CD300LD: variants seen among roughly 807,000 people sequenced by gnomAD.
CD300LD encodes CD300 molecule like family member d, also known as CMRF35-like molecule 5.
Under a neutral mutation model 20.3 loss-of-function variants are expected in CD300LD, and 18 were observed. The observed-to-expected ratio is 0.89, with a 90% CI of 0.61 to 1.32. CD300LD has a LOEUF of 1.32. CD300LD is among the 40% of genes most tolerant of loss of function. The pLI, the probability that CD300LD is intolerant of heterozygous loss-of-function variation, is 0.00. For synonymous variants in CD300LD, 104 were observed against 90.1 expected (o/e 1.15, Z -0.87); for missense variants, 195 against 226.6 (o/e 0.86, Z 0.90).
chr17:74,580,160 G>T, intron 3 of CD300LD, 47 bp from the exon 4 acceptor site: 1 of 1,260,028 alleles, frequency 7.9e-7, no homozygotes, highest in Non-Finnish European at 1.1e-6. Flanking sequence ...TGGGTCAGAG[G>T]TCTCAGGTCT....
chr17:74,580,258 A>G, intron 3 of CD300LD, 145 bp from the exon 4 acceptor site: 1 of 607,364 alleles, frequency 1.6e-6, no homozygotes. Flanking sequence ...TTGGTGGGGC[A>G]CAGTCACACT....
intron 1 of CD300LD, chr17:74,590,638 A>T (rs1033449318): frequency 1.3e-5 from 2 of 152,164 alleles, no homozygotes; most frequent in African/African-American, 4.8e-5. Flanking sequence ...TGGCATCTGA[A>T]GGGAACTAAG....
At chr17:74,582,163 G>A (rs2030049563) in intron 3 of CD300LD, 55 bp downstream of exon 3, 3 of 1,443,876 alleles carry the variant, frequency 2.1e-6, no homozygotes, top group Non-Finnish European at 1.9e-6. Context: ...CCCTGTTAGA[G>A]GAGAGGCCAT....
At chr17:74,587,253 T>C (rs1333841427) in intron 2 of CD300LD, among the ~76,000 whole-genome samples, 3 of 152,088 alleles carry the variant, frequency 2.0e-5, no homozygotes, top group African/African-American at 7.3e-5. Flanking sequence ...TTCTATTTCA[T>C]TAAAAGATAT....
chr17:74,584,450 A>G (rs926041527), intron 2 of CD300LD, among the ~76,000 whole-genome samples: 2 of 152,228 alleles, frequency 1.3e-5, no homozygotes, highest in Non-Finnish European at 2.9e-5. Flanking sequence ...TGTTCTCATG[A>G]AAGCAGGATG....
chr17:74,584,293 T>A (rs1299844147), intron 2 of CD300LD, among the ~76,000 whole-genome samples: 2 of 152,182 alleles, frequency 1.3e-5, no homozygotes, highest in Non-Finnish European at 2.9e-5. Context: ...CATTCCCACC[T>A]GCAGGGTATG....
At chr17:74,584,537 G>C (rs1466951549) in intron 2 of CD300LD, 1 of 152,192 alleles carries the variant, frequency 6.6e-6, no homozygotes, top group Admixed American at 6.5e-5. Context: ...TGTTCCTTGT[G>C]ATTATCTATA....
downstream of CD300LD, among the ~76,000 whole-genome samples, chr17:74,579,111 G>T (rs1719469): frequency 1.3e-5 from 2 of 152,092 alleles, no homozygotes; most frequent in Non-Finnish European, 2.9e-5. Flanking sequence ...ATCTTCAATC[G>T]TACTCATCCA....
chr17:74,584,799 G>T, intron 2 of CD300LD: 1 of 153,894 alleles, frequency 6.5e-6, no homozygotes. Context: ...AACCAACAGC[G>T]ACAAGTGGTG....
In CD300LD at chr17:74,579,955, C is replaced by T. The variant is rs776192240; in HGVS notation, c.*47G>A. Reference sequence around the variant, plus strand: ...GGAGGGCCTTTCGCCCTGGACAGGACGTCAATGGGCATTGGGACTCTCATC... The same window carrying T: ...GGAGGGCCTTTCGCCCTGGACAGGATGTCAATGGGCATTGGGACTCTCATC... On this transcript the variant is annotated 3_prime_UTR_variant, in exon 4 of 4. Coordinates refer to ENST00000375352, the MANE Select transcript of CD300LD (RefSeq NM_001115152.2). 3.8e-5 allele frequency: 46 copies of T among 1,205,546 alleles called. No homozygotes were observed. The highest frequency in any genetic ancestry group is 4.9e-5 in the Non-Finnish European group (40 of 815,208). 74.7% of individuals were successfully genotyped at this position (1,205,546 alleles called of 1,614,324 possible).
chr17:74,591,959 G>T (rs2030330037), intron 1 of CD300LD: 2 of 1,449,070 alleles, frequency 1.4e-6, no homozygotes, highest in Admixed American at 2.1e-5. Flanking sequence ...TACTTGTTTT[G>T]TTTTGTGTGT....
At chr17:74,580,899 CTAA>C (rs2030020321) in intron 3 of CD300LD, among the ~76,000 whole-genome samples, 1 of 118,900 alleles carries the variant, frequency 8.4e-6, no homozygotes, top group African/African-American at 4.4e-5. Context: ...GGCCCCATCT[CTAA>C]AAAAAAAAAA....
At chr17:74,587,820 G>A (rs1245577011) in intron 2 of CD300LD, among the ~76,000 whole-genome samples, 1 of 152,006 alleles carries the variant, frequency 6.6e-6, no homozygotes, top group Non-Finnish European at 1.5e-5. Flanking sequence ...GTCATCTGTG[G>A]GCAACAGACT....
intron 3 of CD300LD, among the ~76,000 whole-genome samples, chr17:74,580,900 T>TAAAA (rs372413183): frequency 8.1e-6 from 1 of 123,434 alleles, no homozygotes; most frequent in Non-Finnish European, 1.8e-5. Context: ...GCCCCATCTC[T>TAAAA]AAAAAAAAAA....
chr17:74,582,665 G>T (rs115397532), intron 2 of CD300LD, among the ~76,000 whole-genome samples: 2,369 of 152,292 alleles, frequency 0.016, 30 homozygotes, highest in Admixed American at 0.02. Context: ...TGATTCGGCG[G>T]CTGAGCTGGT....
At chr17:74,585,703 G>A (rs1449686883) in intron 2 of CD300LD, among the ~76,000 whole-genome samples, 2 of 152,306 alleles carry the variant, frequency 1.3e-5, no homozygotes, top group African/African-American at 2.4e-5. Flanking sequence ...ATTTACTTTA[G>A]GATTGCTAGA....
At position 74,592,055 on chromosome 17, in the gene CD300LD, A is replaced by C. The variant is rs779082544; in HGVS notation, c.40+108T>G. ...AATGAATATGGGCATGGATGGATGA[A>C]TTGGCGCTGTCATTTTCCCTGACAT... On this transcript the variant is annotated intron_variant, in intron 1 of 3. Coordinates refer to ENST00000375352, the MANE Select transcript of CD300LD (RefSeq NM_001115152.2). The C allele has an allele frequency of 1.9e-5, 31 of 1,608,588 alleles. 2 individuals carry two copies. The South Asian group carries it at 3.1e-4, about 16-fold the overall frequency.
Position 74,579,948 on chromosome 17 carries a change from G to C in CD300LD, c.*54C>G, listed in dbSNP as rs2029996256. 2 of 1,131,132 alleles carry C rather than the reference G, an allele frequency of 1.8e-6. No homozygotes were observed. The highest frequency in any genetic ancestry group is 3.1e-5 in the African/African-American group (2 of 65,424). The allele number at this position is 1,131,132 out of a possible 1,614,324, so 70.1% of individuals were successfully genotyped here. ...TTCTGTGGGAGGGCCTTTCGCCCTGGACAGGACGTCAATGGGCATTGGGAC... is the reference window on the plus strand; with the variant it reads ...TTCTGTGGGAGGGCCTTTCGCCCTGCACAGGACGTCAATGGGCATTGGGAC... On this transcript the variant is annotated 3_prime_UTR_variant, in exon 4 of 4. Transcript: ENST00000375352.
At chr17:74,583,375 C>T (rs1171472413) in intron 2 of CD300LD, among the ~76,000 whole-genome samples, 4 of 152,202 alleles carry the variant, frequency 2.6e-5, no homozygotes, top group African/African-American at 9.6e-5. Flanking sequence ...CATGCGAGCA[C>T]AGAGGGGCAA....
Sources: allele counts gnomAD v4.1 joint callset (sites outside exome capture counted in the v4.1 genomes callset), GRCh38; gene constraint gnomAD v4.1.1; transcripts MANE v1.5; gene names NCBI Gene and HGNC (gene_info 2026-07-23, HGNC 2026-07-21).